Variants in F5 observed in about 807,000 individuals in gnomAD.
F5 encodes coagulation factor V.
Under a neutral mutation model 216.4 loss-of-function variants are expected in F5, and 138 were observed. That is an observed-to-expected ratio of 0.64 (90% CI 0.56 to 0.73). The LOEUF is 0.73. Among genes scored for constraint, F5 ranks in the 30% least tolerant of loss-of-function variants. F5 has a pLI of 0.00. For missense variants in F5, 2,403 were observed against 2,674.0 expected, an observed-to-expected ratio of 0.90 and a Z score of 2.24; for synonymous variants, 916 against 930.7, an observed-to-expected ratio of 0.98 and a Z score of 0.29.
At chr1:169,579,114 G>A (rs1660931431) in intron 2 of F5, among the ~76,000 whole-genome samples, 1 of 133,974 alleles carries the variant, frequency 7.5e-6, no homozygotes, top group Non-Finnish European at 1.6e-5. Context: ...TTATCTATAA[G>A]ACCCTTGTGC....
chr1:169,577,285 T>A, intron 2 of F5, among the ~76,000 whole-genome samples: 1 of 152,150 alleles, frequency 6.6e-6, no homozygotes, highest in East Asian at 1.9e-4. Flanking sequence ...TAGTGATTGT[T>A]GCAGCTATTT....
intron 11 of F5, 151 bp from the exon 12 acceptor site, chr1:169,544,659 A>C (rs1178587319): frequency 1.4e-6 from 1 of 690,116 alleles, no homozygotes; most frequent in Non-Finnish European, 2.5e-6. Context: ...ACATGTGACT[A>C]GAAGATCAAA....
At position 169,544,316 on chromosome 1, in the gene F5, G is replaced by C; in HGVS notation, c.1955C>G (p.Thr652Arg). 6.2e-7 allele frequency: 1 copy of C among 1,613,868 alleles called. No homozygotes were observed. Among genetic ancestry groups the C allele is most frequent in the Non-Finnish European group, 8.5e-7 (1 of 1,179,860 alleles). The change falls in exon 12 of 25, where the codon ACG (threonine) becomes AGG (arginine). Residue 652 changes from threonine (T) to arginine (R), a missense_variant. This residue lies in a region of F5 where 1,425 missense variants were observed against 1,554.8 expected (regional missense o/e 0.92). Coordinates refer to ENST00000367797, the MANE Select transcript of F5 (RefSeq NM_000130.5). ...CTCACCAACATTATCCATTGTGACC[G>C]TCACAGATTCTCCACGCATGGGGAA... Reference protein sequence around the residue: ...TLFPMRGESVTVTMDNVGTWM... With the variant: ...TLFPMRGESVRVTMDNVGTWM...
intron 11 of F5, among the ~76,000 whole-genome samples, chr1:169,546,180 T>TAG (rs1659997100): frequency 7.1e-6 from 1 of 141,112 alleles, no homozygotes; most frequent in Admixed American, 7.5e-5. Flanking sequence ...TATGTCTGTG[T>TAG]ACACACACAC....
intron 3 of F5, among the ~76,000 whole-genome samples, chr1:169,571,772 G>C (rs1192242155): frequency 6.6e-6 from 1 of 152,040 alleles, no homozygotes; most frequent in Non-Finnish European, 1.5e-5. Flanking sequence ...TGTAACCAAA[G>C]CCAAAAAAAT....
intron 7 of F5, among the ~76,000 whole-genome samples, chr1:169,554,347 T>C (rs1259738360): frequency 6.6e-6 from 1 of 152,208 alleles, no homozygotes; most frequent in African/African-American, 2.4e-5. Flanking sequence ...TAACATATCT[T>C]GGAGAACTTT....
chr1:169,548,622 C>T (rs868604397), intron 10 of F5, among the ~76,000 whole-genome samples: 20 of 152,128 alleles, frequency 1.3e-4, no homozygotes, highest in Non-Finnish European at 1.5e-5. Flanking sequence ...AATACCAGCA[C>T]TTTGGGAGGC....
Position 169,578,836 on chromosome 1 carries a change from C to A in F5, c.250+3595G>T, listed in dbSNP as rs529852323. ...CCCCATGAAGGTGGTAGCCATTCTA[C>A]CTAAGGCCAAGCCAGCCCAAGGTTT... On this transcript the variant is annotated intron_variant, in intron 2 of 24. Transcript: ENST00000367797. Among the ~76,000 whole-genome samples the A allele has an allele frequency of 1.5e-3, 223 of 152,218 alleles. 1 individual carries two copies. The highest frequency in any genetic ancestry group is 4.8e-3 in the African/African-American group (198 of 41,526).
At chr1:169,546,661 C>A in intron 10 of F5, 69 bp from the exon 11 acceptor site, 2 of 1,431,364 alleles carry the variant, frequency 1.4e-6, no homozygotes, top group Non-Finnish European at 2.0e-6. Flanking sequence ...GAATAGAGAA[C>A]TCAGAAATAA....
rs9332639 is a variant in F5, at chr1:169,524,657, A to G, written c.5788+180T>C. ...CACTAACAGGCCTTTAGCTCCTACC[A>G]TAGTGTTCCTTCCTTTACCATATAT... On this transcript the variant is annotated intron_variant, in intron 19 of 24. Coordinates refer to ENST00000367797, the MANE Select transcript of F5 (RefSeq NM_000130.5). 0.054 allele frequency among the ~76,000 whole-genome samples: 8,200 copies of G among 152,238 alleles called. 346 individuals are homozygous for G. The highest frequency in any genetic ancestry group is 0.1 in the Admixed American group (1,528 of 15,280).
chr1:169,518,561 A>G lies in F5; in HGVS notation c.6196T>C (p.Cys2066Arg), dbSNP rs376834131. The G allele has an allele frequency of 6.2e-7, 1 of 1,613,674 alleles. No individual in the cohort carries two copies. Among genetic ancestry groups the G allele is most frequent in the Non-Finnish European group, 8.5e-7 (1 of 1,179,838 alleles). Residue 2066 changes from cysteine to arginine, a missense_variant and splice_region_variant, in exon 23 of 25, where the codon TGT becomes CGT. Cys to Arg is a radical substitution (Grantham distance 180). This residue lies in a region of F5 where 659 missense variants were observed against 787.9 expected (regional missense o/e 0.84). Coordinates refer to ENST00000367797, the MANE Select transcript of F5 (RefSeq NM_000130.5). ...LELQGCEVNG[C>R]STPLGMENGK... ...TTTTCCATACCCAGGGGTGTGGAAC[A>G]TCCTATCAAAAGAAAAGTAACGTGA...
intron 13 of F5, among the ~76,000 whole-genome samples, chr1:169,538,662 T>C (rs1484266763): frequency 6.6e-6 from 1 of 152,192 alleles, no homozygotes; most frequent in Non-Finnish European, 1.5e-5. Flanking sequence ...CAGAGAATTA[T>C]ACTGAGTGAA....
chr1:169,560,843 A>T, intron 3 of F5, 77 bp from the exon 4 acceptor site: 1 of 1,270,952 alleles, frequency 7.9e-7, no homozygotes. Flanking sequence ...ATCTGGGGAT[A>T]GCTAAGATGA....
At position 169,514,308 on chromosome 1, in the gene F5, C is replaced by T. The variant is rs374656399; in HGVS notation, c.*5G>A. 28 of 1,612,888 alleles carry T rather than the reference C, an allele frequency of 1.7e-5. No individual in the cohort carries two copies. The African/African-American group carries it at 3.5e-4, about 20-fold the overall frequency. On this transcript the variant is annotated 3_prime_UTR_variant, in exon 25 of 25. Transcript: ENST00000367797. ...TCTCTTCCAGGGGTTTTTGAATGTTCAATTCTAGTAAATATCACAGCCAAA... is the reference window on the plus strand; with the variant it reads ...TCTCTTCCAGGGGTTTTTGAATGTTTAATTCTAGTAAATATCACAGCCAAA...
intron 15 of F5, among the ~76,000 whole-genome samples, 176 bp from the exon 16 acceptor site, chr1:169,529,994 T>C (rs540372526): frequency 2.6e-5 from 4 of 152,294 alleles, no homozygotes; most frequent in East Asian, 3.9e-4. Flanking sequence ...GTTGTATTCA[T>C]AATCCTCCTT....
intron 21 of F5, among the ~76,000 whole-genome samples, chr1:169,521,726 T>C (rs1465684718): frequency 3.4e-5 from 5 of 147,504 alleles, no homozygotes; most frequent in Non-Finnish European, 1.5e-5. Context: ...ATTCAAGCGA[T>C]ACTCCTGCCT....
chr1:169,568,988 C>T (rs1660667915), intron 3 of F5, among the ~76,000 whole-genome samples: 1 of 152,074 alleles, frequency 6.6e-6, no homozygotes, highest in African/African-American at 2.4e-5. Flanking sequence ...ATAATGTAGG[C>T]AATGGGCGAA....
intron 23 of F5, among the ~76,000 whole-genome samples, chr1:169,517,220 G>C (rs1422359366): frequency 6.6e-6 from 1 of 152,102 alleles, no homozygotes; most frequent in African/African-American, 2.4e-5. Context: ...TCCTGATTCT[G>C]CTACCAAACT....
intron 14 of F5, among the ~76,000 whole-genome samples, chr1:169,535,326 T>G (rs1659679167): frequency 6.6e-6 from 1 of 152,186 alleles, no homozygotes; most frequent in Non-Finnish European, 1.5e-5. Context: ...TTATCCTGTC[T>G]TTATTCACAA....
Sources: gnomAD v4.1 joint callset for allele counts (sites outside exome capture counted in the v4.1 genomes callset) on GRCh38, gnomAD v4.1.1 for gene constraint, gnomAD v4.1.1 regional missense constraint, MANE v1.5 for transcripts, NCBI Gene and HGNC (gene_info 2026-07-23, HGNC 2026-07-21) for gene names.